SORCS1: variants seen among roughly 807,000 people sequenced by gnomAD.
SORCS1 encodes the protein VPS10 domain-containing receptor SorCS1.
Under a neutral mutation model 146.1 loss-of-function variants are expected in SORCS1, and 60 were observed. That is an observed-to-expected ratio of 0.41 (90% confidence interval 0.33 to 0.51). The LOEUF (loss-of-function observed/expected upper bound fraction) is 0.51, where lower values mean the gene tolerates loss of function less well. Ranked by LOEUF, SORCS1 falls within the 20% of genes least tolerant of loss-of-function variation. SORCS1 has a pLI of 0.21. For synonymous variants in SORCS1, 637 were observed against 584.0 expected (o/e 1.09, Z -1.31); for missense variants, 1,352 against 1,487.6 (o/e 0.91, Z 1.50).
intron 10 of SORCS1, among the ~76,000 whole-genome samples, chr10:106,681,865 C>A (rs1365015787): frequency 6.6e-6 from 1 of 152,176 alleles, no homozygotes; most frequent in Non-Finnish European, 1.5e-5. Context: ...TGGTGGCTCA[C>A]GCCTGTAATC....
chr10:107,047,533 T>C (rs1331456809), intron 1 of SORCS1, among the ~76,000 whole-genome samples: 1 of 152,180 alleles, frequency 6.6e-6, no homozygotes, highest in Non-Finnish European at 1.5e-5. Flanking sequence ...ATTCTGATTA[T>C]CAGAAAAAGT....
chr10:107,172,283 C>T, the SORCS1 span, among the ~76,000 whole-genome samples: 3 of 152,094 alleles, frequency 2.0e-5, no homozygotes, highest in East Asian at 5.8e-4. Flanking sequence ...AATTGATGGC[C>T]TCCTTCTTTG....
intron 19 of SORCS1, among the ~76,000 whole-genome samples, chr10:106,621,370 C>T (rs975479335): frequency 6.6e-6 from 1 of 151,928 alleles, no homozygotes; most frequent in African/African-American, 2.4e-5. Context: ...ATTTGCCATC[C>T]CCATCTTTGT....
At chr10:106,934,921 G>A (rs1399888736) in intron 2 of SORCS1, among the ~76,000 whole-genome samples, 1 of 152,014 alleles carries the variant, frequency 6.6e-6, no homozygotes, top group African/African-American at 2.4e-5. Context: ...AAAAGGGAGG[G>A]CGGAAGGGGA....
At position 106,733,123 on chromosome 10, in the gene SORCS1, AAAG is replaced by A. The variant is rs1479561123; in HGVS notation, c.960-3012_960-3010del. Among the ~76,000 whole-genome samples, 158 of 150,244 alleles carry A rather than the reference AAAG, an allele frequency of 1.1e-3. 10 individuals carry two copies. The highest frequency in any genetic ancestry group is 2.7e-3 in the East Asian group (14 of 5,162). ...ACTCCATTTCAAAAAAAAGAAAAGAAAAGAAAAGAAAAGAAAAGAAAAAGAAAA... is the reference window on the plus strand; with the variant it reads ...ACTCCATTTCAAAAAAAAGAAAAGAAAAAAGAAAAGAAAAGAAAAAGAAAA... On this transcript the variant is annotated intron_variant, in intron 5 of 25. Coordinates refer to ENST00000263054, the MANE Select transcript of SORCS1 (RefSeq NM_052918.5).
intron 3 of SORCS1, among the ~76,000 whole-genome samples, chr10:106,821,928 A>G (rs902638802): frequency 6.6e-6 from 1 of 151,748 alleles, no homozygotes; most frequent in Non-Finnish European, 1.5e-5. Flanking sequence ...TCTCAAAAAA[A>G]TAAAAAAAAA....
At chr10:107,109,257 G>T (rs915441178) in intron 1 of SORCS1, among the ~76,000 whole-genome samples, 2 of 152,326 alleles carry the variant, frequency 1.3e-5, no homozygotes, top group African/African-American at 4.8e-5. Flanking sequence ...CCTCTGTGCT[G>T]CCCTAGTAGA....
intron 3 of SORCS1, among the ~76,000 whole-genome samples, chr10:106,802,049 A>G (rs1189707166): frequency 6.6e-6 from 1 of 152,216 alleles, no homozygotes; most frequent in African/African-American, 2.4e-5. Context: ...TTGGTCAGGC[A>G]CAGGAGGGAT....
chr10:106,832,986 T>C (rs1023196949), intron 2 of SORCS1, among the ~76,000 whole-genome samples: 14 of 152,174 alleles, frequency 9.2e-5, no homozygotes, highest in African/African-American at 3.4e-4. Context: ...CATACAATCA[T>C]CCTTATTTGC....
At chr10:107,179,543 G>A in the SORCS1 span, among the ~76,000 whole-genome samples, 2 of 152,156 alleles carry the variant, frequency 1.3e-5, no homozygotes, top group Non-Finnish European at 2.9e-5. Flanking sequence ...AGATCATTGT[G>A]TGTATTCAGC....
chr10:106,924,548 A>G (rs1952902544), intron 2 of SORCS1, among the ~76,000 whole-genome samples: 1 of 152,116 alleles, frequency 6.6e-6, no homozygotes, highest in African/African-American at 2.4e-5. Context: ...TCCAAAACAT[A>G]TGGAGGCAAA....
chr10:107,164,045 G>A lies in SORCS1; in HGVS notation c.482C>T (p.Thr161Ile). 1.2e-6 allele frequency: 2 copies of A among 1,614,086 alleles called. No homozygotes were observed. The highest frequency in any genetic ancestry group is 8.5e-7 in the Non-Finnish European group (1 of 1,180,030). ...TRFRMEELRLTSTTFALTGDS... is the reference protein window; with the variant it reads ...TRFRMEELRLISTTFALTGDS... ...TCCCGTCAGCGCAAACGTGGTGCTG[G>A]TCAGTCTCAGCTCCTCCATCCGGAA... Residue 161 changes from threonine to isoleucine, a missense_variant, in exon 1 of 26, where the codon ACC (threonine) becomes ATC (isoleucine). By Grantham distance (89) the Thr-to-Ile change is moderately conservative (BLOSUM62 -1). Coordinates refer to ENST00000263054, the MANE Select transcript of SORCS1 (RefSeq NM_052918.5). This position sits in a 1 kb window ranked among gnomAD's most constrained non-coding sequence, Gnocchi z 6.8.
intron 5 of SORCS1, among the ~76,000 whole-genome samples, chr10:106,753,127 T>C (rs1858383220): frequency 6.6e-6 from 1 of 152,070 alleles, no homozygotes; most frequent in Non-Finnish European, 1.5e-5. Context: ...TATCTGGTCA[T>C]TTTTATCTAA....
chr10:107,095,362 G>A (rs560635874), intron 1 of SORCS1, among the ~76,000 whole-genome samples: 4 of 152,220 alleles, frequency 2.6e-5, no homozygotes, highest in East Asian at 3.9e-4. Flanking sequence ...GCAAACAACC[G>A]AAGGGTACAC....
At chr10:106,768,695 G>A (rs554414003) in intron 4 of SORCS1, among the ~76,000 whole-genome samples, 1 of 152,326 alleles carries the variant, frequency 6.6e-6, no homozygotes, top group Admixed American at 6.5e-5. Flanking sequence ...TGATTAAAGT[G>A]CCTGTAGCTC....
intron 24 of SORCS1, among the ~76,000 whole-genome samples, chr10:106,587,951 C>T (rs115175556): frequency 2.0e-5 from 3 of 152,134 alleles, no homozygotes; most frequent in South Asian, 2.1e-4. Context: ...GAACTCCAGA[C>T]GAACAGCGAC....
rs193144506 is a variant in SORCS1, at chr10:107,068,786, T to C, written c.558+95183A>G. ...TTGGGAGGCTGAGGCAGGAGAATGG[T>C]GTGAACCTGTGAGGCAGAGCTTGCA... is the stretch of plus-strand genomic sequence containing the variant. On this transcript the variant is annotated intron_variant, in intron 1 of 25. Transcript: ENST00000263054. Among the ~76,000 whole-genome samples the C allele has an allele frequency of 4.7e-3, 714 of 150,460 alleles. 4 individuals carry two copies. Among genetic ancestry groups the C allele is most frequent in the Non-Finnish European group, 7.2e-3 (489 of 67,866 alleles).
chr10:106,805,920 C>T lies in SORCS1; in HGVS notation c.726+23654G>A, dbSNP rs181749355. The stretch of plus-strand genomic sequence containing the variant: ...AAAAAAATACAAAAAATTAGCCAGG[C>T]GTGGTGGCAGGTGCCTGTAGTCCCA... On this transcript the variant is annotated intron_variant, in intron 3 of 25. Coordinates refer to ENST00000263054, the MANE Select transcript of SORCS1 (RefSeq NM_052918.5). Among the ~76,000 whole-genome samples, 354 of 148,912 alleles carry T rather than the reference C, an allele frequency of 2.4e-3. 1 individual carries two copies. Among genetic ancestry groups the T allele is most frequent in the African/African-American group, 7.5e-3 (301 of 40,256 alleles).
At chr10:106,681,738 C>T (rs1359049218) in intron 10 of SORCS1, among the ~76,000 whole-genome samples, 3 of 152,174 alleles carry the variant, frequency 2.0e-5, no homozygotes, top group Non-Finnish European at 4.4e-5. Context: ...ACCCAACTTT[C>T]AATCTTAAGC....
Sources: gnomAD v4.1 joint callset for allele counts (sites outside exome capture counted in the v4.1 genomes callset) on GRCh38, gnomAD v4.1.1 for gene constraint, Gnocchi (gnomAD v3.1) non-coding constraint, MANE v1.5 for transcripts, NCBI Gene and HGNC (gene_info 2026-07-23, HGNC 2026-07-21) for gene names.